The following E2F7 variants were observed in gnomAD, a reference collection of about 807,000 sequenced individuals.
The protein encoded by E2F7 is E2F transcription factor 7.
E2F7 carries 35 observed loss-of-function variants against 81.1 expected under a neutral mutation model. The observed-to-expected ratio is 0.43, with a 90% confidence interval of 0.33 to 0.57. E2F7 has a LOEUF of 0.57. E2F7 is among the 20% of genes least tolerant of loss of function. The pLI, the probability that E2F7 is intolerant of heterozygous loss-of-function variation, is 0.04. For missense variants in E2F7, 961 were observed against 1,093.7 expected (o/e 0.88, Z 1.71); for synonymous variants, 416 against 416.2 (o/e 1.00, Z 0.01).
chr12:77,049,208 C>T (rs762421865), intron 4 of E2F7, among the ~76,000 whole-genome samples: 2 of 152,054 alleles, frequency 1.3e-5, no homozygotes, highest in African/African-American at 4.8e-5. Context: ...GCAACTGATA[C>T]ACCCAGGGCC....
chr12:77,061,199 C>T (rs188254228), intron 2 of E2F7, among the ~76,000 whole-genome samples: 1 of 152,340 alleles, frequency 6.6e-6, no homozygotes, highest in East Asian at 1.9e-4. Context: ...CTGTTCGGAC[C>T]TGATTACGAC....
Position 77,042,428 on chromosome 12 carries a change from G to A in E2F7, c.1123+637C>T, listed in dbSNP as rs868391336. On this transcript the variant is annotated intron_variant, in intron 7 of 12. Coordinates refer to ENST00000322886, the MANE Select transcript of E2F7 (RefSeq NM_203394.3). The stretch of plus-strand genomic sequence containing the variant: ...AATGACTTTAATGGCTTTTTCCCAG[G>A]CAGTACAGCTATATGTAAAATAGCT... 3.9e-5 allele frequency among the ~76,000 whole-genome samples: 6 copies of A among 152,130 alleles called. No individual in the cohort carries two copies. In the South Asian group the frequency reaches 8.3e-4, roughly 21 times the overall value.
intron 3 of E2F7, among the ~76,000 whole-genome samples, chr12:77,051,346 G>T (rs1367016596): frequency 6.6e-6 from 1 of 152,034 alleles, no homozygotes; most frequent in South Asian, 2.1e-4. Context: ...AAAGTAAAAG[G>T]CTTTTCAACA....
At chr12:77,029,380 G>C (rs1020221736) in intron 10 of E2F7, among the ~76,000 whole-genome samples, 6 of 152,116 alleles carry the variant, frequency 3.9e-5, no homozygotes, top group African/African-American at 1.4e-4. Context: ...TAGGGAAACA[G>C]GATCACTGAA....
At chr12:77,034,427 C>T (rs1954832114) in intron 7 of E2F7, among the ~76,000 whole-genome samples, 1 of 152,226 alleles carries the variant, frequency 6.6e-6, no homozygotes, top group African/African-American at 2.4e-5. Context: ...TTTTGAGATT[C>T]ACTTTCAAGA....
chr12:77,025,725 C>G lies in E2F7; in HGVS notation c.2398G>C (p.Ala800Pro). ...SIAQLLVGPT[A>P]VVNPKSSTLP... ...GTGGACGACTTTGGATTAACCACAG[C>G]TGTGGGGCCGACGAGAAGCTGGGCT... is the stretch of plus-strand genomic sequence containing the variant. Residue 800 changes from alanine (A) to proline (P), a missense_variant, in exon 12 of 13, where the codon GCT (alanine) becomes CCT (proline). Ala to Pro is a conservative substitution (Grantham distance 27, BLOSUM62 -1). This residue lies in a region of E2F7 where 587 missense variants were observed against 620.3 expected (regional missense o/e 0.95). Transcript: ENST00000322886. 1 of 1,614,166 alleles carries G rather than the reference C, an allele frequency of 6.2e-7. No homozygotes were observed. The highest frequency in any genetic ancestry group is 8.5e-7 in the Non-Finnish European group (1 of 1,180,046).
chr12:77,023,196 G>A lies in E2F7; in HGVS notation c.*819C>T, dbSNP rs1343977008. 1.3e-5 allele frequency: 2 copies of A among 152,536 alleles called. No individual in the cohort carries two copies. The highest frequency in any genetic ancestry group is 2.9e-5 in the Non-Finnish European group (2 of 68,032). The allele number at this position is 152,536 out of a possible 1,614,324, so 9.4% of individuals were successfully genotyped here. A position where few individuals can be genotyped will look rare whatever the true frequency, so the allele number is the denominator to read the frequency against. ...CATGTAGTGAAGGAAACTGGGCACA[G>A]TAGGATTTTTAGAAACAAACAGTAA... On this transcript the variant is annotated 3_prime_UTR_variant, in exon 13 of 13. Coordinates refer to ENST00000322886, the MANE Select transcript of E2F7 (RefSeq NM_203394.3).
intron 9 of E2F7, among the ~76,000 whole-genome samples, chr12:77,031,597 T>C (rs1267467944): frequency 2.0e-5 from 3 of 151,920 alleles, no homozygotes; most frequent in African/African-American, 7.3e-5. Flanking sequence ...GCTGAGATCA[T>C]GCCACTGCAC....
At chr12:77,034,069 T>G in intron 7 of E2F7, 27 bp from the exon 8 acceptor site, 1 of 1,590,772 alleles carries the variant, frequency 6.3e-7, no homozygotes, top group Non-Finnish European at 8.6e-7. Flanking sequence ...ATTGGTAGTG[T>G]TGTTATACAG....
rs57340838 is a variant in E2F7, at chr12:77,035,915, T to TGGG, written c.1124-1876_1124-1874dup. On this transcript the variant is annotated intron_variant, in intron 7 of 12. Coordinates refer to ENST00000322886, the MANE Select transcript of E2F7 (RefSeq NM_203394.3). Reference sequence around the variant, plus strand: ...CTTCTAGAGATTAAAAAAAATACAGTGGGGGGATGAAAAATACAGTGTATA... The same window carrying TGGG: ...CTTCTAGAGATTAAAAAAAATACAGTGGGGGGGGGATGAAAAATACAGTGTATA... Among the ~76,000 whole-genome samples, 27 of 124,292 alleles carry TGGG rather than the reference T, an allele frequency of 2.2e-4. No homozygotes were observed. In the East Asian group the frequency reaches 2.3e-3, roughly 11 times the overall value. 81.5% of individuals were successfully genotyped at this position (124,292 alleles called of 152,430 possible).
In E2F7 at chr12:77,046,633, C is replaced by T. The variant is rs117213658; in HGVS notation, c.539-305G>A. On this transcript the variant is annotated intron_variant, in intron 4 of 12. Transcript: ENST00000322886. ...CTTTAGACCCATTAGGCAAACCACGCGAACATTTCAGCAGCTGAAACTGGT... is the reference window on the plus strand; with the variant it reads ...CTTTAGACCCATTAGGCAAACCACGTGAACATTTCAGCAGCTGAAACTGGT... 1.6e-4 allele frequency among the ~76,000 whole-genome samples: 25 copies of T among 152,302 alleles called. No individual in the cohort carries two copies. The East Asian group carries it at 2.7e-3, about 16-fold the overall frequency.
At chr12:77,046,435 A>C in intron 4 of E2F7, 107 bp from the exon 5 acceptor site, 1 of 1,201,544 alleles carries the variant, frequency 8.3e-7, no homozygotes, top group Non-Finnish European at 1.1e-6. Context: ...CTGATCCCCA[A>C]TATAATGCCC....
At chr12:77,032,363 G>C (rs991394143) in intron 9 of E2F7, among the ~76,000 whole-genome samples, 1 of 152,182 alleles carries the variant, frequency 6.6e-6, no homozygotes, top group Non-Finnish European at 1.5e-5. Flanking sequence ...ACAGCAAAAC[G>C]AGCCAGGCTT....
At chr12:77,037,038 C>G (rs559767352) in intron 7 of E2F7, among the ~76,000 whole-genome samples, 1 of 152,168 alleles carries the variant, frequency 6.6e-6, no homozygotes, top group Non-Finnish European at 1.5e-5. Context: ...CGTGAGCCAC[C>G]GCGCCCGGCC....
Position 77,055,880 on chromosome 12 carries a change from T to C in E2F7, c.344A>G (p.Asp115Gly). 1 of 1,612,718 alleles carries C rather than the reference T, an allele frequency of 6.2e-7. No individual in the cohort carries two copies. The highest frequency in any genetic ancestry group is 8.5e-7 in the Non-Finnish European group (1 of 1,179,658). ...CTGTAGAGAATCTGTAAATGCATCGTCCTTGTTTTCAATGGGTCGGAATAG... is the reference window on the plus strand; with the variant it reads ...CTGTAGAGAATCTGTAAATGCATCGCCCTTGTTTTCAATGGGTCGGAATAG... ...KGLFRPIENKDDAFTDSLQLD... is the reference protein window; with the variant it reads ...KGLFRPIENKGDAFTDSLQLD... The change falls in exon 3 of 13, where the codon GAC (aspartate) becomes GGC (glycine). Residue 115 changes from aspartate to glycine, a missense_variant. Transcript: ENST00000322886.
At chr12:77,046,809 T>C (rs1373781403) in intron 4 of E2F7, among the ~76,000 whole-genome samples, 2 of 152,208 alleles carry the variant, frequency 1.3e-5, no homozygotes, top group African/African-American at 4.8e-5. Flanking sequence ...TATCCTTTCG[T>C]GAAGTTCCAA....
rs753067348 is a variant in E2F7, at chr12:77,030,332, C to T, written c.1383G>A (p.Gln461=). 2 of 1,525,616 alleles carry T rather than the reference C, an allele frequency of 1.3e-6. No homozygotes were observed. The highest frequency in any genetic ancestry group is 2.3e-5 in the East Asian group (1 of 44,012). 94.5% of individuals were successfully genotyped at this position (1,525,616 alleles called of 1,614,324 possible). A position where few individuals can be genotyped will look rare whatever the true frequency, so the allele number is the denominator to read the frequency against. ...VYRQKIEDNS[Q]GKAFASKRVV... Reference sequence around the variant, plus strand: ...CTCTCTTACTGGCAAAGGCTTTTCCCCTATAATAAAAAAGAAACGTAACGA... The same window carrying T: ...CTCTCTTACTGGCAAAGGCTTTTCCTCTATAATAAAAAAGAAACGTAACGA... The change falls in exon 10 of 13, where the codon CAG becomes CAA. Residue 461 remains glutamine, a splice_region_variant and synonymous_variant. Transcript: ENST00000322886.
chr12:77,027,914 C>A lies in E2F7; in HGVS notation c.2109G>T (p.Leu703Phe), dbSNP rs1954772382. Residue 703 changes from leucine to phenylalanine, a missense_variant, in exon 11 of 13, where the codon TTG (leucine) becomes TTT (phenylalanine). By Grantham distance (22) the Leu-to-Phe change is conservative. Around this residue, in one of 3 missense-constraint regions of E2F7, gnomAD observed 587 missense variants for 620.3 expected, o/e 0.95. Coordinates refer to ENST00000322886, the MANE Select transcript of E2F7 (RefSeq NM_203394.3). ...KENESTKEPS[L>F]LQYLCVQSPA... ...GAGACTGCACACAAAGATATTGTAGCAAAGAAGGCTCTTTGGTGCTTTCAT... is the reference window on the plus strand; with the variant it reads ...GAGACTGCACACAAAGATATTGTAGAAAAGAAGGCTCTTTGGTGCTTTCAT... The A allele has an allele frequency of 6.2e-7, 1 of 1,614,204 alleles. No homozygotes were observed. Among genetic ancestry groups the A allele is most frequent in the East Asian group, 2.2e-5 (1 of 44,880 alleles).
At chr12:77,056,475 A>G (rs1297263486) in intron 2 of E2F7, among the ~76,000 whole-genome samples, 1 of 152,188 alleles carries the variant, frequency 6.6e-6, no homozygotes, top group Non-Finnish European at 1.5e-5. Flanking sequence ...ACCTTTTTTA[A>G]AACACTACTT....
Sources: allele counts gnomAD v4.1 joint callset (sites outside exome capture counted in the v4.1 genomes callset), GRCh38; gene constraint gnomAD v4.1.1; regional missense constraint gnomAD v4.1.1; transcripts MANE v1.5; gene names NCBI Gene and HGNC (gene_info 2026-07-23, HGNC 2026-07-21).